The following CAPS2 variants were observed in gnomAD, a reference collection of about 807,000 sequenced individuals.
CAPS2 encodes calcyphosine 2.
Under a neutral mutation model 86.5 loss-of-function variants are expected in CAPS2, and 98 were observed. The observed-to-expected ratio is 1.13, with a 90% CI of 0.96 to 1.34. CAPS2 has a LOEUF of 1.34. CAPS2 is among the 40% of genes most tolerant of loss of function. The pLI, the probability that CAPS2 is intolerant of heterozygous loss-of-function variation, is 0.00. For missense variants in CAPS2, 729 were observed against 686.8 expected, an observed-to-expected ratio of 1.06 and a Z score of -0.69; for synonymous variants, 210 against 225.1, an observed-to-expected ratio of 0.93 and a Z score of 0.60.
intron 1 of CAPS2, among the ~76,000 whole-genome samples, chr12:75,378,902 A>C (rs1173760581): frequency 1.3e-5 from 2 of 152,158 alleles, no homozygotes; most frequent in African/African-American, 2.4e-5. Flanking sequence ...AGCTTTCACT[A>C]TTTGTTTAAC....
intron 7 of CAPS2, chr12:75,305,464 G>T: frequency 1.8e-6 from 1 of 558,550 alleles, no homozygotes; most frequent in South Asian, 1.8e-5. Flanking sequence ...ACAAAGTAAG[G>T]ATCTGAGCGA....
At chr12:75,363,065 C>A in intron 1 of CAPS2, 2 of 1,084,052 alleles carry the variant, frequency 1.8e-6, no homozygotes, top group Non-Finnish European at 2.7e-6. Context: ...GAGAAATTAA[C>A]AGCCATTTGG....
intron 12 of CAPS2, 47 bp downstream of exon 12, chr12:75,293,202 T>G (rs779432229): frequency 9.6e-7 from 1 of 1,043,686 alleles, no homozygotes; most frequent in Non-Finnish European, 1.5e-6. Flanking sequence ...AATTTAAAAA[T>G]AGTGTTTTCA....
rs1259052662 is a variant in CAPS2 at position 75,298,671 on chromosome 12, C to T, written c.1044+16G>A. ...CCATCTGGTATTAAATGTGTGCACA[C>T]ACACACACCACTTACAACATAAAAA... is the stretch of plus-strand genomic sequence containing the variant. On this transcript the variant is annotated intron_variant, in intron 11 of 16. Transcript: ENST00000393284. 22 of 1,592,372 alleles carry T rather than the reference C, an allele frequency of 1.4e-5. No individual in the cohort carries two copies. The highest frequency in any genetic ancestry group is 1.7e-5 in the Non-Finnish European group (20 of 1,160,394).
chr12:75,326,573 AT>A, upstream of CAPS2: 1 of 825,530 alleles, frequency 1.2e-6, no homozygotes, highest in Non-Finnish European at 2.0e-6. Context: ...TCTTACTCTA[AT>A]TTTAAATAAG....
chr12:75,330,125 A>C, upstream of CAPS2: 1 of 354,616 alleles, frequency 2.8e-6, no homozygotes, highest in Non-Finnish European at 5.0e-6. Flanking sequence ...AGGGACGAAA[A>C]GGTCGTCGGC....
At position 75,289,748 on chromosome 12, in the gene CAPS2, C is replaced by T. The variant is rs1372362133; in HGVS notation, c.1268G>A (p.Arg423Lys). 4.3e-6 allele frequency: 7 copies of T among 1,612,230 alleles called. No homozygotes were observed. In the East Asian group the frequency reaches 1.3e-4, roughly 31 times the overall value. ...CAATCCAGTCAAAATACGAACACCT[C>T]TTTTATGTAGTTTTTCTTTTAGCAC... The change falls in exon 14 of 17, where the codon AGA (arginine) becomes AAA (lysine). Residue 423 changes from arginine (R) to lysine (K), a missense_variant. Transcript: ENST00000393284.
intron 14 of CAPS2, among the ~76,000 whole-genome samples, chr12:75,285,894 T>C (rs2034793581): frequency 6.6e-6 from 1 of 152,012 alleles, no homozygotes; most frequent in Non-Finnish European, 1.5e-5. Flanking sequence ...ATGACTCTAA[T>C]ATTATTCTAC....
intron 11 of CAPS2, among the ~76,000 whole-genome samples, chr12:75,297,964 C>T (rs746148161): frequency 1.3e-5 from 2 of 152,116 alleles, no homozygotes; most frequent in African/African-American, 4.8e-5. Context: ...CCACATTGCC[C>T]CTCCTATCTG....
At chr12:75,277,511 T>G in exon 17 of CAPS2, 1 of 913,706 alleles carries the variant, frequency 1.1e-6, no homozygotes, top group South Asian at 5.1e-5. Flanking sequence ...TTTAATAACC[T>G]AATTTTTAAA....
rs570001584 is a variant in CAPS2, at chr12:75,323,536, G to A, written c.132-314C>T. 1.2e-3 allele frequency among the ~76,000 whole-genome samples: 180 copies of A among 152,300 alleles called. 3 individuals are homozygous for A. Among genetic ancestry groups the A allele is most frequent in the South Asian group, 2.3e-3 (11 of 4,830 alleles). ...AGGCAGGCAGATCACCTGAGGTCGG[G>A]AGATCGAGACCAGCCTGACCAACAT... On this transcript the variant is annotated intron_variant, in intron 2 of 16. Coordinates refer to ENST00000393284, the Ensembl canonical transcript of CAPS2.
intron 7 of CAPS2, among the ~76,000 whole-genome samples, chr12:75,308,115 G>A (rs2038722913): frequency 6.6e-6 from 1 of 152,108 alleles, no homozygotes; most frequent in Admixed American, 6.5e-5. Flanking sequence ...AATTTGCATA[G>A]AAGGCTAACT....
At chr12:75,334,676 G>A (rs1418717421), upstream of CAPS2, 2 of 1,576,062 alleles carry the variant, frequency 1.3e-6, no homozygotes, top group Admixed American at 1.8e-5. Context: ...GGTTGCCCCA[G>A]CCGTTACTGG....
intron 1 of CAPS2, among the ~76,000 whole-genome samples, chr12:75,356,235 A>G (rs755314738): frequency 3.3e-5 from 5 of 152,208 alleles, no homozygotes; most frequent in Non-Finnish European, 7.3e-5. Flanking sequence ...TTAAAAACAA[A>G]AGCAAAATAA....
rs532553482 is a variant in CAPS2, at chr12:75,305,993, G to A, written c.660-1117C>T. On this transcript the variant is annotated intron_variant, in intron 7 of 16. Coordinates refer to ENST00000393284, the Ensembl canonical transcript of CAPS2. ...TCTGAGCAACAGCAGGGTCCTGACA[G>A]GCCTCCTGCTCATGATCCTGAGCCT... The A allele has an allele frequency of 4.2e-5, 60 of 1,441,576 alleles. 1 individual carries two copies. In the South Asian group the frequency reaches 6.6e-4, roughly 16 times the overall value. 89.3% of individuals were successfully genotyped at this position (1,441,576 alleles called of 1,614,324 possible).
chr12:75,328,816 G>A (rs2041028515), upstream of CAPS2, among the ~76,000 whole-genome samples: 1 of 152,174 alleles, frequency 6.6e-6, no homozygotes, highest in African/African-American at 2.4e-5. Context: ...CTTAACAAAT[G>A]TTTGTTAAAT....
At chr12:75,309,339 G>A (rs1289054841) in intron 7 of CAPS2, among the ~76,000 whole-genome samples, 1 of 152,198 alleles carries the variant, frequency 6.6e-6, no homozygotes, top group African/African-American at 2.4e-5. Context: ...TTCGCTATCT[G>A]CGTGTGTCTC....
At chr12:75,383,087 C>A (rs762232898) in intron 1 of CAPS2, among the ~76,000 whole-genome samples, 2 of 152,254 alleles carry the variant, frequency 1.3e-5, no homozygotes, top group East Asian at 3.9e-4. Flanking sequence ...TGATTTAATA[C>A]GTATTTCATG....
chr12:75,386,811 T>C (rs1306064239), intron 1 of CAPS2, among the ~76,000 whole-genome samples: 1 of 151,732 alleles, frequency 6.6e-6, no homozygotes, highest in Non-Finnish European at 1.5e-5. Context: ...AATGGAGAAA[T>C]GTAGTCTTTT....
Sources: allele counts gnomAD v4.1 joint callset (sites outside exome capture counted in the v4.1 genomes callset), GRCh38; gene constraint gnomAD v4.1.1; transcripts MANE v1.5; gene names NCBI Gene and HGNC (gene_info 2026-07-23, HGNC 2026-07-21).